The following PI4KA variants were observed in gnomAD, a reference collection of about 807,000 sequenced individuals.
The protein encoded by PI4KA is PI4-kinase alpha.
In PI4KA, 122 loss-of-function variants were observed where a neutral mutation model predicts 271.4. That is an observed-to-expected ratio of 0.45 (90% confidence interval 0.39 to 0.52). The LOEUF is 0.52. Ranked by LOEUF, PI4KA falls within the 20% of genes least tolerant of loss-of-function variation. PI4KA has a pLI of 0.00. For missense variants in PI4KA, 1,969 were observed against 2,769.1 expected (o/e 0.71, Z 6.48); for synonymous variants, 1,041 against 1,078.8 (o/e 0.96, Z 0.69).
intron 1 of PI4KA, among the ~76,000 whole-genome samples, chr22:20,850,959 C>A (rs1028294795): frequency 3.9e-5 from 6 of 152,034 alleles, no homozygotes; most frequent in Non-Finnish European, 7.4e-5. Context: ...GCAGGAGGAT[C>A]CCTCAAACCA....
Position 20,844,074 on chromosome 22 carries a change from TTGA to T in PI4KA, c.157-5346_157-5344del, listed in dbSNP as rs138873395. 2.7e-3 allele frequency among the ~76,000 whole-genome samples: 414 copies of T among 152,294 alleles called. 5 individuals are homozygous for T. Among genetic ancestry groups the T allele is most frequent in the East Asian group, 0.023 (117 of 5,184 alleles). On this transcript the variant is annotated intron_variant, in intron 1 of 54. Transcript: ENST00000255882. ...CAAACATTTTCCAGACCCCAGCAAC[TTGA>T]TGTAATATCTCCCATCATATCTCTC...
chr22:20,709,967 G>A lies in PI4KA; in HGVS notation c.6114C>T (p.Val2038=), dbSNP rs1438185554. Residue 2038 remains valine (V), a synonymous_variant, in exon 53 of 55, where the codon GTC becomes GTT. Coordinates refer to ENST00000255882, the MANE Select transcript of PI4KA (RefSeq NM_058004.4). ...GCAGGCCCGTGTCCAACATGAGAGT[G>A]ACCAGGGAGACGACCGCGTCCATGT... ...RPYMDAVVSL[V]TLMLDTGLPC... 62 of 1,613,576 alleles carry A rather than the reference G, an allele frequency of 3.8e-5. No homozygotes were observed. Among genetic ancestry groups the A allele is most frequent in the Non-Finnish European group, 5.2e-5 (61 of 1,179,662 alleles).
At chr22:20,764,665 C>G in intron 22 of PI4KA, 152 bp downstream of exon 22, 1 of 689,242 alleles carries the variant, frequency 1.5e-6, no homozygotes, top group East Asian at 3.0e-5. Context: ...GAGGGGCATA[C>G]GAGAAAAGTA....
intron 33 of PI4KA, 82 bp from the exon 34 acceptor site, chr22:20,734,276 T>G: frequency 2.1e-6 from 3 of 1,398,760 alleles, no homozygotes; most frequent in African/African-American, 3.0e-5. Context: ...TGAGGAGGGG[T>G]TCTGGGCTGA....
chr22:20,821,322 G>A (rs185744500), intron 4 of PI4KA, among the ~76,000 whole-genome samples: 4 of 152,118 alleles, frequency 2.6e-5, no homozygotes, highest in East Asian at 1.9e-4. Context: ...AGGTTCAAGC[G>A]ATTCTCCTGA....
intron 43 of PI4KA, among the ~76,000 whole-genome samples, 164 bp from the exon 44 acceptor site, chr22:20,718,986 C>T (rs1251678880): frequency 2.0e-5 from 3 of 152,252 alleles, no homozygotes; most frequent in Non-Finnish European, 2.9e-5. Context: ...TGTGTTGACA[C>T]AGCTGACGCT....
chr22:20,737,070 C>T (rs1367834976), intron 32 of PI4KA, among the ~76,000 whole-genome samples: 2 of 152,210 alleles, frequency 1.3e-5, no homozygotes, highest in Non-Finnish European at 2.9e-5. Flanking sequence ...ATCAGTTCAC[C>T]ATGCAGGCTG....
At chr22:20,763,952 C>A (rs2147391327) in intron 22 of PI4KA, among the ~76,000 whole-genome samples, 1 of 152,246 alleles carries the variant, frequency 6.6e-6, no homozygotes, top group East Asian at 1.9e-4. Flanking sequence ...CTTTCAAGGA[C>A]TATTTTACTA....
At chr22:20,780,775 C>CAACAAAAAAAAAA (rs1933724430) in intron 19 of PI4KA, among the ~76,000 whole-genome samples, 1 of 67,700 alleles carries the variant, frequency 1.5e-5, no homozygotes, top group African/African-American at 6.6e-5. Context: ...GACTCCATCT[C>CAACAAAAAAAAAA]AAAAAAAAAA....
chr22:20,801,314 G>A (rs1280903622), intron 14 of PI4KA, among the ~76,000 whole-genome samples: 5 of 151,968 alleles, frequency 3.3e-5, no homozygotes, highest in Non-Finnish European at 5.9e-5. Context: ...AGCCAGGCAC[G>A]GTGGCTCACG....
At chr22:20,766,529 G>T (rs1008965677) in intron 19 of PI4KA, among the ~76,000 whole-genome samples, 16 of 152,194 alleles carry the variant, frequency 1.1e-4, no homozygotes, top group Admixed American at 1.0e-3. Context: ...GCTGGGCGTG[G>T]TGGCAGGCAC....
chr22:20,729,039 A>C (rs1456333298), intron 39 of PI4KA, among the ~76,000 whole-genome samples: 1 of 152,216 alleles, frequency 6.6e-6, no homozygotes, highest in Non-Finnish European at 1.5e-5. Context: ...GGCAGGAATC[A>C]GATCTTGGCT....
chr22:20,768,798 G>A (rs965605703), intron 19 of PI4KA, among the ~76,000 whole-genome samples: 1 of 152,314 alleles, frequency 6.6e-6, no homozygotes, highest in South Asian at 2.1e-4. Flanking sequence ...AGGGCTGTGT[G>A]GAGGGCAGCA....
intron 8 of PI4KA, among the ~76,000 whole-genome samples, chr22:20,812,802 C>A (rs1921238139): frequency 6.6e-6 from 1 of 152,168 alleles, no homozygotes; most frequent in South Asian, 2.1e-4. Context: ...GTGATCCGCC[C>A]ACTTTGGCCT....
intron 29 of PI4KA, 200 bp downstream of exon 29, chr22:20,747,383 A>C (rs556351905): frequency 4.3e-6 from 2 of 466,154 alleles, no homozygotes; most frequent in Middle Eastern, 5.5e-4. Context: ...AAAGCACAAT[A>C]AGGAAACACT....
chr22:20,742,156 G>A (rs573533770), intron 32 of PI4KA, 72 bp downstream of exon 32: 14 of 1,509,774 alleles, frequency 9.3e-6, no homozygotes, highest in African/African-American at 8.2e-5. Flanking sequence ...TGGTGGTGGC[G>A]GCACCAGGGA....
intron 2 of PI4KA, among the ~76,000 whole-genome samples, chr22:20,838,059 T>G (rs1308997227): frequency 6.6e-6 from 1 of 150,690 alleles, no homozygotes; most frequent in African/African-American, 2.4e-5. Flanking sequence ...AGGCAGAGGT[T>G]GCAGTGAGCC....
intron 10 of PI4KA, among the ~76,000 whole-genome samples, chr22:20,806,087 A>G (rs1935637368): frequency 6.6e-6 from 1 of 152,100 alleles, no homozygotes; most frequent in South Asian, 2.1e-4. Flanking sequence ...GCCCCTTCTT[A>G]GGGAGTTTCA....
intron 19 of PI4KA, among the ~76,000 whole-genome samples, chr22:20,770,855 C>G (rs537480085): frequency 6.6e-6 from 1 of 152,188 alleles, no homozygotes; most frequent in Non-Finnish European, 1.5e-5. Flanking sequence ...CCGTGCCTGA[C>G]CCCTCTGTAT....
Sources: allele counts gnomAD v4.1 joint callset (sites outside exome capture counted in the v4.1 genomes callset), GRCh38; gene constraint gnomAD v4.1.1; transcripts MANE v1.5; gene names NCBI Gene and HGNC (gene_info 2026-07-23, HGNC 2026-07-21).